FBXO34: variants seen among roughly 807,000 people sequenced by gnomAD.
The protein encoded by FBXO34 is F-box protein 34, also known as F-box only protein 34.
FBXO34 carries 12 observed loss-of-function variants against 24.5 expected under a neutral mutation model. The observed-to-expected ratio is 0.49, with a 90% CI of 0.31 to 0.79. The LOEUF is 0.79. FBXO34 is among the 30% of genes least tolerant of loss of function. The pLI is 0.04. For missense variants in FBXO34, 823 were observed against 857.7 expected (o/e 0.96, Z 0.51); for synonymous variants, 320 against 311.9 (o/e 1.03, Z -0.27).
At chr14:55,317,805 A>G (rs1389748779) in intron 1 of FBXO34, among the ~76,000 whole-genome samples, 2 of 152,140 alleles carry the variant, frequency 1.3e-5, no homozygotes, top group Non-Finnish European at 2.9e-5. Flanking sequence ...TGGCATGCAC[A>G]TGTTCACTTA....
At chr14:55,437,008 G>T in the FBXO34 span, 1 of 1,613,876 alleles carries the variant, frequency 6.2e-7, no homozygotes, top group Non-Finnish European at 8.5e-7. Flanking sequence ...CCTGGGTGGG[G>T]CAAGGCCATC....
At chr14:55,434,005 A>G in the FBXO34 span, among the ~76,000 whole-genome samples, 210 of 152,310 alleles carry the variant, frequency 1.4e-3, 3 homozygotes, top group East Asian at 0.035. Flanking sequence ...ATCCTCATTT[A>G]GTGCTCAGGG....
chr14:55,296,401 T>TGG (rs1882132165), intron 1 of FBXO34, among the ~76,000 whole-genome samples: 1 of 135,224 alleles, frequency 7.4e-6, no homozygotes, highest in Admixed American at 7.4e-5. Context: ...GTTTTTTTTT[T>TGG]TTTTTTTTTT....
the FBXO34 span, among the ~76,000 whole-genome samples, chr14:55,388,408 C>T: frequency 3.9e-5 from 6 of 152,162 alleles, no homozygotes; most frequent in Admixed American, 3.3e-4. Context: ...ACTCAGCAGG[C>T]AGTCATCCTC....
intron 1 of FBXO34, among the ~76,000 whole-genome samples, chr14:55,320,700 G>GT (rs1379356942): frequency 1.3e-5 from 2 of 152,152 alleles, no homozygotes; most frequent in Non-Finnish European, 2.9e-5. Context: ...GGAGCTTGCG[G>GT]TAAGTCGAGA....
the FBXO34 span, among the ~76,000 whole-genome samples, chr14:55,396,441 G>A: frequency 6.6e-6 from 1 of 152,316 alleles, no homozygotes; most frequent in African/African-American, 2.4e-5. Context: ...ATAAATTCAA[G>A]CAAGTTTCTC....
chr14:55,363,013 T>TTC (rs200416843), downstream of FBXO34, among the ~76,000 whole-genome samples: 3,385 of 143,488 alleles, frequency 0.024, 107 homozygotes, highest in Non-Finnish European at 0.032. Flanking sequence ...GACCCCTTTT[T>TTC]TCTCTCTCTC....
At chr14:55,347,502 A>G (rs1439094627) in intron 1 of FBXO34, among the ~76,000 whole-genome samples, 1 of 152,164 alleles carries the variant, frequency 6.6e-6, no homozygotes, top group Non-Finnish European at 1.5e-5. Context: ...ACCTCAGGCA[A>G]CCTTCAACCA....
downstream of FBXO34, among the ~76,000 whole-genome samples, chr14:55,356,310 TG>T (rs1884522177): frequency 6.6e-6 from 1 of 152,252 alleles, no homozygotes; most frequent in African/African-American, 2.4e-5. Flanking sequence ...GCCTGCACAC[TG>T]CGAGCCCTTC....
chr14:55,349,951 G>A (rs894436953), intron 1 of FBXO34, among the ~76,000 whole-genome samples: 3 of 152,054 alleles, frequency 2.0e-5, no homozygotes, highest in Non-Finnish European at 4.4e-5. Flanking sequence ...AATAAAATGC[G>A]AATTGTGATG....
At chr14:55,359,916 CA>C (rs34051939) in intron 3 of FBXO34, among the ~76,000 whole-genome samples, 9,617 of 95,180 alleles carry the variant, frequency 0.1, 294 homozygotes, top group African/African-American at 0.12. Flanking sequence ...CTTGTGCCTA[CA>C]AAAAAAAAAA....
At chr14:55,396,061 T>A in the FBXO34 span, 1 of 1,121,356 alleles carries the variant, frequency 8.9e-7, no homozygotes. Context: ...AATCAAACAC[T>A]TAAAATTAAG....
At chr14:55,318,332 TC>T (rs1818714326) in intron 1 of FBXO34, 1 of 71,224 alleles carries the variant, frequency 1.4e-5, no homozygotes, top group African/African-American at 6.3e-5. Flanking sequence ...GGTTTGCAAG[TC>T]ATATATATAT....
chr14:55,351,088 C>CT lies in FBXO34; in HGVS notation c.699dup (p.Ala234CysfsTer17). On this transcript the variant is annotated frameshift_variant, in exon 2 of 2. Transcript: ENST00000313833. LOFTEE classifies it low-confidence loss of function (END_TRUNC). ...TGTTCAAAAAACTGCACAAACTCACCTGCAATTGTGAGGTTTTCTGGCCAA... is the reference window on the plus strand; with the variant it reads ...TGTTCAAAAAACTGCACAAACTCACCTTGCAATTGTGAGGTTTTCTGGCCAA... 6.2e-7 allele frequency: 1 copy of CT among 1,614,212 alleles called. No homozygotes were observed. Among genetic ancestry groups the CT allele is most frequent in the Non-Finnish European group, 8.5e-7 (1 of 1,180,040 alleles).
intron 1 of FBXO34, among the ~76,000 whole-genome samples, chr14:55,341,958 C>T (rs1884007874): frequency 6.6e-6 from 1 of 152,188 alleles, no homozygotes; most frequent in Non-Finnish European, 1.5e-5. Flanking sequence ...CCTACTCCAA[C>T]AAAAGTGGGC....
downstream of FBXO34, among the ~76,000 whole-genome samples, chr14:55,358,224 G>A (rs1264646826): frequency 6.6e-6 from 1 of 152,190 alleles, no homozygotes; most frequent in Non-Finnish European, 1.5e-5. Context: ...GGGACCTCTC[G>A]TGAACTTTTC....
the FBXO34 span, among the ~76,000 whole-genome samples, chr14:55,418,547 T>A: frequency 1.3e-5 from 2 of 152,176 alleles, no homozygotes; most frequent in Non-Finnish European, 2.9e-5. Context: ...GGGGTTACTG[T>A]TAACAATTGG....
chr14:55,299,361 C>A, intron 1 of FBXO34: 3 of 322,470 alleles, frequency 9.3e-6, no homozygotes, highest in Non-Finnish European at 1.7e-5. Flanking sequence ...TCGCTCTCTG[C>A]ATAGCATGGT....
the FBXO34 span, among the ~76,000 whole-genome samples, chr14:55,416,052 G>A: frequency 2.6e-5 from 4 of 152,298 alleles, no homozygotes; most frequent in African/African-American, 9.6e-5. Context: ...CATGGAGACA[G>A]AATTCAGATT....
Sources: gnomAD v4.1 joint callset for allele counts (sites outside exome capture counted in the v4.1 genomes callset) on GRCh38, gnomAD v4.1.1 for gene constraint, MANE v1.5 for transcripts, NCBI Gene and HGNC (gene_info 2026-07-23, HGNC 2026-07-21) for gene names.